Variants in BBS9 observed in about 807,000 individuals in gnomAD.
BBS9 encodes the protein Bardet-Biedl syndrome 9, also known as protein PTHB1.
BBS9 carries 89 observed loss-of-function variants against 117.7 expected under a neutral mutation model. That is an observed-to-expected ratio of 0.76 (90% CI 0.64 to 0.90). The LOEUF (loss-of-function observed/expected upper bound fraction) is 0.90, where lower values mean the gene tolerates loss of function less well. BBS9 is among the 40% of genes least tolerant of loss of function. BBS9 has a pLI of 0.00. For missense variants in BBS9, 982 were observed against 1,042.2 expected (o/e 0.94, Z 0.80); for synonymous variants, 379 against 370.9 (o/e 1.02, Z -0.25).
At chr7:33,495,996 TGGTGTCCGG>T (rs1844651608) in intron 19 of BBS9, among the ~76,000 whole-genome samples, 1 of 152,182 alleles carries the variant, frequency 6.6e-6, no homozygotes, top group Non-Finnish European at 1.5e-5. Flanking sequence ...AAGTGTGGAT[TGGTGTCCGG>T]GATAATTGTA....
intron 21 of BBS9, among the ~76,000 whole-genome samples, chr7:33,553,145 G>C (rs1175466873): frequency 6.6e-6 from 1 of 152,142 alleles, no homozygotes; most frequent in Non-Finnish European, 1.5e-5. Flanking sequence ...CTTAAAGATG[G>C]CTTTTCTGTA....
intron 21 of BBS9, among the ~76,000 whole-genome samples, chr7:33,579,078 T>C (rs1331338178): frequency 6.6e-6 from 1 of 152,230 alleles, no homozygotes; most frequent in East Asian, 1.9e-4. Context: ...AAGCTAAAGC[T>C]TGCTCTTTGG....
At chr7:33,172,198 G>A (rs1361419158) in intron 4 of BBS9, among the ~76,000 whole-genome samples, 3 of 151,996 alleles carry the variant, frequency 2.0e-5, no homozygotes, top group Non-Finnish European at 2.9e-5. Context: ...GGCTAACACC[G>A]TGAAACCCCA....
chr7:33,574,382 A>G (rs1383359539), intron 21 of BBS9, among the ~76,000 whole-genome samples: 3 of 152,076 alleles, frequency 2.0e-5, no homozygotes, highest in Non-Finnish European at 2.9e-5. Context: ...AGCACATTAC[A>G]CATATTAAAG....
At chr7:33,363,660 G>C (rs1821060802) in intron 16 of BBS9, among the ~76,000 whole-genome samples, 1 of 150,626 alleles carries the variant, frequency 6.6e-6, no homozygotes, top group Non-Finnish European at 1.5e-5. Flanking sequence ...CATTAAGTAT[G>C]TTTTAGCTAT....
intron 5 of BBS9, among the ~76,000 whole-genome samples, chr7:33,207,811 T>C: frequency 6.8e-6 from 1 of 146,544 alleles, no homozygotes; most frequent in East Asian, 2.0e-4. Flanking sequence ...CATATAGATA[T>C]AACTTTTTTT....
intron 5 of BBS9, among the ~76,000 whole-genome samples, chr7:33,249,632 T>C (rs1028244979): frequency 6.6e-6 from 1 of 152,168 alleles, no homozygotes; most frequent in African/African-American, 2.4e-5. Context: ...CAGTTGTTTT[T>C]CTCTTATTGT....
intron 2 of BBS9, among the ~76,000 whole-genome samples, chr7:33,147,265 T>G (rs971665906): frequency 3.4e-5 from 5 of 145,834 alleles, no homozygotes; most frequent in South Asian, 2.3e-4. Context: ...GGCTTTTTTT[T>G]TGTGATCTAG....
intron 16 of BBS9, among the ~76,000 whole-genome samples, chr7:33,358,968 A>G (rs1041544634): frequency 6.6e-6 from 1 of 151,918 alleles, no homozygotes; most frequent in African/African-American, 2.4e-5. Flanking sequence ...AATCTCCAAG[A>G]TTAAATATTT....
At chr7:33,404,531 T>C (rs201213997) in intron 19 of BBS9, among the ~76,000 whole-genome samples, 26,726 of 151,978 alleles carry the variant, frequency 0.18, 2,514 homozygotes, top group South Asian at 0.21. Context: ...GAGCAGTGGT[T>C]TGTAGTCCTC....
chr7:33,389,604 G>A (rs1185994344), intron 19 of BBS9, among the ~76,000 whole-genome samples: 3 of 150,298 alleles, frequency 2.0e-5, no homozygotes, highest in Non-Finnish European at 3.0e-5. Flanking sequence ...CAGGGGAATC[G>A]GTTGAACCCG....
At chr7:33,466,689 A>G (rs991465666) in intron 19 of BBS9, among the ~76,000 whole-genome samples, 58 of 152,286 alleles carry the variant, frequency 3.8e-4, no homozygotes, top group African/African-American at 1.4e-3. Flanking sequence ...CAGATCCTTA[A>G]AAGTCAGAAA....
intron 20 of BBS9, among the ~76,000 whole-genome samples, chr7:33,528,127 T>A (rs1849945297): frequency 9.2e-5 from 14 of 152,240 alleles, no homozygotes. Flanking sequence ...CTTTTCATTT[T>A]GCATCCTTTA....
At chr7:33,464,869 A>G (rs1348031174) in intron 19 of BBS9, among the ~76,000 whole-genome samples, 3 of 152,038 alleles carry the variant, frequency 2.0e-5, no homozygotes, top group Non-Finnish European at 4.4e-5. Context: ...ACTGTCACCC[A>G]GGCTGGAGTA....
chr7:33,620,163 A>C (rs1405715174), intron 21 of BBS9, among the ~76,000 whole-genome samples: 1 of 152,048 alleles, frequency 6.6e-6, no homozygotes, highest in African/African-American at 2.4e-5. Context: ...AACCTCTACC[A>C]CAGAAATCAA....
At chr7:33,247,642 T>C (rs1795553075) in intron 5 of BBS9, among the ~76,000 whole-genome samples, 1 of 152,196 alleles carries the variant, frequency 6.6e-6, no homozygotes, top group Admixed American at 6.5e-5. Context: ...TGTTCTTACA[T>C]TGTTGTACTA....
At chr7:33,450,864 G>GT (rs144231724) in intron 19 of BBS9, among the ~76,000 whole-genome samples, 13,562 of 140,062 alleles carry the variant, frequency 0.097, 619 homozygotes, top group South Asian at 0.15. Context: ...CTGTTCAGAA[G>GT]TTTTTTTTTT....
chr7:33,579,822 T>C (rs1859571917), intron 21 of BBS9, among the ~76,000 whole-genome samples: 1 of 152,202 alleles, frequency 6.6e-6, no homozygotes, highest in Non-Finnish European at 1.5e-5. Flanking sequence ...AAGCAGTTTA[T>C]GTTCAACTGG....
intron 9 of BBS9, among the ~76,000 whole-genome samples, chr7:33,278,398 A>G (rs1584049582): frequency 6.6e-6 from 1 of 152,192 alleles, no homozygotes; most frequent in Non-Finnish European, 1.5e-5. Flanking sequence ...TCTCACCCAC[A>G]GTTTTAGCAT....
Sources: gnomAD v4.1 joint callset for allele counts (sites outside exome capture counted in the v4.1 genomes callset) on GRCh38, gnomAD v4.1.1 for gene constraint, MANE v1.5 for transcripts, NCBI Gene and HGNC (gene_info 2026-07-23, HGNC 2026-07-21) for gene names.